EFCAB5: variants seen among roughly 807,000 people sequenced by gnomAD.
EFCAB5 encodes EF-hand calcium-binding domain-containing protein 5.
EFCAB5 carries 131 observed loss-of-function variants against 167.9 expected under a neutral mutation model. The observed-to-expected ratio is 0.78, with a 90% CI of 0.68 to 0.90. EFCAB5 has a LOEUF of 0.90. EFCAB5 is among the 40% of genes least tolerant of loss of function. EFCAB5 has a pLI of 0.00. For synonymous variants in EFCAB5, 574 were observed against 602.8 expected (o/e 0.95, Z 0.70); for missense variants, 1,663 against 1,745.2 (o/e 0.95, Z 0.84).
chr17:29,983,427 T>G (rs1173847757), intron 4 of EFCAB5, among the ~76,000 whole-genome samples: 1 of 152,214 alleles, frequency 6.6e-6, no homozygotes, highest in Non-Finnish European at 1.5e-5. Context: ...GCATGTCACA[T>G]GGCCAGAAGC....
chr17:30,044,184 A>G (rs2069853115), intron 8 of EFCAB5, among the ~76,000 whole-genome samples: 1 of 152,202 alleles, frequency 6.6e-6, no homozygotes, highest in Non-Finnish European at 1.5e-5. Context: ...ATCAGATTAT[A>G]ATTAATCTGA....
At position 30,090,534 on chromosome 17, in the gene EFCAB5, T is replaced by C; in HGVS notation, c.3797T>C (p.Leu1266Pro). Reference protein sequence around the residue: ...RERTGEALGVLDFNIGQNRML... With the variant: ...RERTGEALGVPDFNIGQNRML... ...AGAACAGGAGAGGCTCTGGGAGTCC[T>C]CGATTTTAACATCGGCCAAAATAGG... The change falls in exon 20 of 23, where the codon CTC (leucine) becomes CCC (proline). Residue 1266 changes from leucine to proline, a missense_variant. By Grantham distance (98) the Leu-to-Pro change is moderately conservative. Coordinates refer to ENST00000394835, the MANE Select transcript of EFCAB5 (RefSeq NM_198529.4). 1 of 1,614,018 alleles carries C rather than the reference T, an allele frequency of 6.2e-7. No homozygotes were observed. Among genetic ancestry groups the C allele is most frequent in the East Asian group, 2.2e-5 (1 of 44,878 alleles).
chr17:29,975,056 T>A (rs966617489), intron 4 of EFCAB5, among the ~76,000 whole-genome samples: 2 of 150,074 alleles, frequency 1.3e-5, no homozygotes, highest in Non-Finnish European at 3.0e-5. Context: ...ATAAATAAAA[T>A]AATAAAATTT....
At chr17:30,080,037 T>C (rs1274314153) in intron 15 of EFCAB5, 35 bp from the exon 16 acceptor site, 1 of 1,576,304 alleles carries the variant, frequency 6.3e-7, no homozygotes, top group Non-Finnish European at 8.6e-7. Context: ...TCTTTGGCTG[T>C]TGGCAAACAC....
intron 22 of EFCAB5, among the ~76,000 whole-genome samples, chr17:30,101,914 G>A (rs1248924875): frequency 3.3e-5 from 5 of 152,214 alleles, no homozygotes; most frequent in African/African-American, 4.8e-5. Context: ...GTAACCATAC[G>A]TTCTATGTTT....
At chr17:30,080,003 T>A (rs1597780587) in intron 15 of EFCAB5, 69 bp from the exon 16 acceptor site, 1 of 1,521,696 alleles carries the variant, frequency 6.6e-7, no homozygotes, top group Non-Finnish European at 8.8e-7. Context: ...AATTAACTAG[T>A]AAGGGGGACA....
chr17:29,938,829 T>TGGATGGGCC (rs1189066042), upstream of EFCAB5, among the ~76,000 whole-genome samples: 1 of 152,190 alleles, frequency 6.6e-6, no homozygotes, highest in Non-Finnish European at 1.5e-5. Flanking sequence ...TGCAGTTACT[T>TGGATGGGCC]CCTCCACTGA....
intron 14 of EFCAB5, among the ~76,000 whole-genome samples, chr17:30,063,254 T>G (rs908593058): frequency 2.6e-5 from 4 of 152,216 alleles, no homozygotes; most frequent in Non-Finnish European, 5.9e-5. Flanking sequence ...TCTGCCTTTC[T>G]GGGTTACTTG....
chr17:30,068,348 T>G (rs2070634467), intron 14 of EFCAB5, among the ~76,000 whole-genome samples: 2 of 150,720 alleles, frequency 1.3e-5, no homozygotes, highest in African/African-American at 4.9e-5. Context: ...ACACTAGCAA[T>G]TAACTAGAGG....
chr17:30,021,080 A>G (rs186641824), intron 7 of EFCAB5, among the ~76,000 whole-genome samples: 74 of 152,190 alleles, frequency 4.9e-4, no homozygotes, highest in Middle Eastern at 3.4e-3. Context: ...AAGGAACAAC[A>G]TGTAAAAAGA....
intron 4 of EFCAB5, chr17:29,972,721 C>T (rs2067984113): frequency 9.3e-6 from 2 of 215,810 alleles, no homozygotes; most frequent in South Asian, 1.7e-4. Context: ...GATGAAGATC[C>T]TGTGGCCGGC....
chr17:30,098,761 A>C (rs1418373938), intron 22 of EFCAB5, among the ~76,000 whole-genome samples: 1 of 152,180 alleles, frequency 6.6e-6, no homozygotes, highest in Non-Finnish European at 1.5e-5. Flanking sequence ...CTAATTTTAG[A>C]ACATTTTCAT....
intron 1 of EFCAB5, among the ~76,000 whole-genome samples, chr17:29,931,129 A>G (rs550122671): frequency 2.8e-4 from 42 of 152,360 alleles, no homozygotes; most frequent in African/African-American, 9.4e-4. Context: ...AAATTGCACA[A>G]TGCAAATATC....
intron 4 of EFCAB5, among the ~76,000 whole-genome samples, chr17:29,986,574 G>A (rs1033971843): frequency 3.3e-5 from 5 of 150,950 alleles, no homozygotes; most frequent in Non-Finnish European, 5.9e-5. Context: ...TTTCTGGCCA[G>A]GTCCAATTCT....
At chr17:30,030,634 G>A (rs971109249) in intron 7 of EFCAB5, among the ~76,000 whole-genome samples, 1 of 151,680 alleles carries the variant, frequency 6.6e-6, no homozygotes, top group Non-Finnish European at 1.5e-5. Flanking sequence ...AAGCCACTGC[G>A]CCCAGCCCAG....
chr17:29,969,218 C>T lies in EFCAB5; in HGVS notation c.618C>T (p.Ser206=). Residue 206 remains serine, a synonymous_variant, in exon 4 of 23, where the codon AGC becomes AGT. Transcript: ENST00000394835. ...KKVLTEADTP[S]KFDPINYLGE... Reference sequence around the variant, plus strand: ...TTTTGACAGAAGCTGATACTCCAAGCAAGTTTGACCCAATTAATTATTTGG... The same window carrying T: ...TTTTGACAGAAGCTGATACTCCAAGTAAGTTTGACCCAATTAATTATTTGG... 1 of 1,613,824 alleles carries T rather than the reference C, an allele frequency of 6.2e-7. No homozygotes were observed. The highest frequency in any genetic ancestry group is 2.2e-5 in the East Asian group (1 of 44,868).
chr17:30,023,552 C>A (rs968956837), intron 7 of EFCAB5, among the ~76,000 whole-genome samples: 2 of 151,958 alleles, frequency 1.3e-5, no homozygotes, highest in Non-Finnish European at 2.9e-5. Context: ...GCTTACCAAC[C>A]AAAAAGAGTC....
chr17:29,999,570 G>A (rs1036652500), intron 6 of EFCAB5, among the ~76,000 whole-genome samples: 2 of 152,120 alleles, frequency 1.3e-5, no homozygotes, highest in Non-Finnish European at 2.9e-5. Flanking sequence ...GCTTGCAGAA[G>A]TGTTTTGTTT....
chr17:30,060,247 G>T (rs528169372), intron 14 of EFCAB5, among the ~76,000 whole-genome samples: 86 of 151,942 alleles, frequency 5.7e-4, no homozygotes, highest in African/African-American at 1.9e-3. Context: ...TAAAAAAAAG[G>T]TTAAAAGGAT....
Sources: allele counts gnomAD v4.1 joint callset (sites outside exome capture counted in the v4.1 genomes callset), GRCh38; gene constraint gnomAD v4.1.1; transcripts MANE v1.5; gene names NCBI Gene and HGNC (gene_info 2026-07-23, HGNC 2026-07-21).